Variants in C1orf105 observed in about 807,000 individuals in gnomAD.
C1orf105 encodes the protein uncharacterized protein C1orf105.
Under a neutral mutation model 20.8 loss-of-function variants are expected in C1orf105, and 17 were observed. The ratio of observed to expected loss-of-function variants is 0.82; its 90% CI spans 0.56 to 1.23. The LOEUF (loss-of-function observed/expected upper bound fraction) is 1.23. Among genes scored for constraint, C1orf105 ranks in the 50% most tolerant of loss-of-function variants. The pLI is 0.00. For synonymous variants in C1orf105, 72 were observed against 72.1 expected (o/e 1.00, Z 0.01); for missense variants, 219 against 213.5 (o/e 1.03, Z -0.16).
chr1:172,462,516 C>A (rs1233244672), intron 5 of C1orf105, among the ~76,000 whole-genome samples: 2 of 152,138 alleles, frequency 1.3e-5, no homozygotes, highest in African/African-American at 2.4e-5. Flanking sequence ...TAGGAAATTT[C>A]TTTGATAATT....
chr1:172,453,173 CTGAT>C (rs771152508), intron 3 of C1orf105: 4 of 1,551,012 alleles, frequency 2.6e-6, no homozygotes, highest in Non-Finnish European at 3.5e-6. Context: ...CAGGCTTCAG[CTGAT>C]AGCAAGTCTG....
intron 3 of C1orf105, chr1:172,453,316 T>G: frequency 8.4e-7 from 1 of 1,186,570 alleles, no homozygotes; most frequent in African/African-American, 1.5e-5. Context: ...AAGGGAGACT[T>G]GGAGAGTTTA....
intron 1 of C1orf105, among the ~76,000 whole-genome samples, chr1:172,423,393 C>T (rs1328486741): frequency 1.3e-5 from 2 of 152,198 alleles, no homozygotes; most frequent in South Asian, 2.1e-4. Context: ...AAGGTGGTAC[C>T]TCTATGAGTC....
intron 3 of C1orf105, chr1:172,453,032 T>C: frequency 6.4e-7 from 1 of 1,550,480 alleles, no homozygotes; most frequent in Non-Finnish European, 8.7e-7. Flanking sequence ...ATGGAGGAAA[T>C]GAGGCCTGCA....
At chr1:172,456,565 G>T (rs967071864) in intron 4 of C1orf105, 76 bp downstream of exon 4, 2 of 1,427,336 alleles carry the variant, frequency 1.4e-6, no homozygotes. Context: ...AAGCCCTGTG[G>T]GGAGAGATAG....
chr1:172,443,878 G>C (rs1647643096), intron 1 of C1orf105: 2 of 828,412 alleles, frequency 2.4e-6, no homozygotes, highest in Non-Finnish European at 3.0e-6. Flanking sequence ...TTGGCTTTTT[G>C]GGTGGGCCTC....
At chr1:172,440,016 AT>A (rs200645815) in intron 1 of C1orf105, among the ~76,000 whole-genome samples, 9 of 151,964 alleles carry the variant, frequency 5.9e-5, no homozygotes, top group Non-Finnish European at 8.8e-5. Context: ...AAAACCACCA[AT>A]TTTTTTTATC....
At chr1:172,461,224 C>T (rs543189995) in intron 4 of C1orf105, among the ~76,000 whole-genome samples, 1 of 152,344 alleles carries the variant, frequency 6.6e-6, no homozygotes, top group Admixed American at 6.5e-5. Context: ...GTTAGGAGAA[C>T]AAGCTGAGTA....
At chr1:172,437,495 G>A (rs969342306) in intron 1 of C1orf105, among the ~76,000 whole-genome samples, 6 of 143,674 alleles carry the variant, frequency 4.2e-5, no homozygotes, top group South Asian at 4.4e-4. Context: ...ACAGAAAACC[G>A]AACACCACAT....
intron 1 of C1orf105, among the ~76,000 whole-genome samples, chr1:172,437,077 G>C (rs915909370): frequency 6.6e-6 from 1 of 152,148 alleles, no homozygotes; most frequent in Non-Finnish European, 1.5e-5. Flanking sequence ...TCATTAAAAA[G>C]TCAGGAAACA....
intron 1 of C1orf105, 78 bp downstream of exon 1, chr1:172,420,984 C>A: frequency 7.5e-7 from 1 of 1,341,132 alleles, no homozygotes; most frequent in Non-Finnish European, 1.0e-6. Flanking sequence ...CCTTGGAGGC[C>A]ACATAAACAT....
chr1:172,445,386 A>G (rs1357784042), intron 2 of C1orf105, among the ~76,000 whole-genome samples: 1 of 152,152 alleles, frequency 6.6e-6, no homozygotes, highest in Non-Finnish European at 1.5e-5. Flanking sequence ...CTCCACCACT[A>G]CCACTCAACA....
At chr1:172,452,393 T>C (rs531529687) in intron 3 of C1orf105, among the ~76,000 whole-genome samples, 9 of 152,116 alleles carry the variant, frequency 5.9e-5, no homozygotes, top group African/African-American at 1.9e-4. Context: ...GAAACAGAGG[T>C]GTTGAAGGAA....
chr1:172,454,937 ATTC>A (rs1649072780), intron 3 of C1orf105, among the ~76,000 whole-genome samples: 1 of 152,162 alleles, frequency 6.6e-6, no homozygotes, highest in South Asian at 2.1e-4. Flanking sequence ...ATGAATTTGT[ATTC>A]TTCTTTTGTC....
intron 1 of C1orf105, among the ~76,000 whole-genome samples, chr1:172,423,998 T>C (rs2071658605): frequency 6.6e-6 from 1 of 152,238 alleles, no homozygotes; most frequent in South Asian, 2.1e-4. Flanking sequence ...TTGTTTTTGA[T>C]GCTACAAGTT....
chr1:172,467,475 G>A (rs1256060939), intron 6 of C1orf105, among the ~76,000 whole-genome samples: 5 of 152,072 alleles, frequency 3.3e-5, no homozygotes, highest in Non-Finnish European at 5.9e-5. Context: ...TGACACCCAC[G>A]GACTCTTAAT....
At chr1:172,443,069 T>C (rs1380810005) in intron 1 of C1orf105, 1 of 170,818 alleles carries the variant, frequency 5.9e-6, no homozygotes, top group Non-Finnish European at 1.4e-5. Context: ...ATGTATCTTC[T>C]TTCACTTAAT....
rs762806530 is a variant in C1orf105 at position 172,465,381 on chromosome 1, G to C, written c.406+18G>C. On this transcript the variant is annotated intron_variant, in intron 6 of 6. Coordinates refer to ENST00000367727, the MANE Select transcript of C1orf105 (RefSeq NM_139240.4). ...CCCAACAGGTTTGCTTTCTTTTAGA[G>C]TACTTATAGTGTGAAACACACTAGA... The C allele has an allele frequency of 3.8e-6, 6 of 1,560,960 alleles. No homozygotes were observed. In the Admixed American group the frequency reaches 1.0e-4, roughly 26 times the overall value.
Position 172,424,190 on chromosome 1 carries a change from T to C in C1orf105, c.21+3284T>C, listed in dbSNP as rs924398435. Among the ~76,000 whole-genome samples the C allele has an allele frequency of 8.5e-5, 13 of 152,298 alleles. No individual in the cohort carries two copies. In the East Asian group the frequency reaches 2.5e-3, roughly 29 times the overall value. On this transcript the variant is annotated intron_variant, in intron 1 of 6. Transcript: ENST00000367727. ...ACATCTTCAATGAACCTCATGAACA[T>C]GAGCCATGGGTAGATAATAAAGAAA... is the stretch of plus-strand genomic sequence containing the variant.
Sources: allele counts gnomAD v4.1 joint callset (sites outside exome capture counted in the v4.1 genomes callset), GRCh38; gene constraint gnomAD v4.1.1; transcripts MANE v1.5; gene names NCBI Gene and HGNC (gene_info 2026-07-23, HGNC 2026-07-21).